The following SLC14A2 variants were observed in gnomAD, a reference collection of about 807,000 sequenced individuals.
SLC14A2 encodes urea transporter 2.
A neutral mutation model predicts 104.6 loss-of-function variants in SLC14A2; 91 were observed. That is an observed-to-expected ratio of 0.87 (90% confidence interval 0.73 to 1.04). The LOEUF is 1.04. Ranked by LOEUF, SLC14A2 falls within the 50% of genes least tolerant of loss-of-function variation. The pLI is 0.00. For synonymous variants in SLC14A2, 476 were observed against 466.4 expected (o/e 1.02, Z -0.27); for missense variants, 1,189 against 1,156.0 (o/e 1.03, Z -0.41).
intron 2 of SLC14A2, among the ~76,000 whole-genome samples, chr18:45,578,921 C>T (rs898798059): frequency 6.6e-6 from 1 of 152,210 alleles, no homozygotes; most frequent in Non-Finnish European, 1.5e-5. Context: ...TGTCTGTGGG[C>T]AGCTAGAAGG....
intron 2 of SLC14A2, among the ~76,000 whole-genome samples, chr18:45,563,160 G>C (rs952849027): frequency 1.3e-5 from 2 of 152,206 alleles, no homozygotes; most frequent in Non-Finnish European, 2.9e-5. Flanking sequence ...GCCCCTTGTA[G>C]AATGAGAGGC....
At chr18:45,526,701 T>C (rs2043597851) in intron 2 of SLC14A2, among the ~76,000 whole-genome samples, 1 of 152,082 alleles carries the variant, frequency 6.6e-6, no homozygotes, top group Non-Finnish European at 1.5e-5. Flanking sequence ...CTGACTTAGC[T>C]GGAACAGAAA....
chr18:45,446,102 G>A (rs995994901), intron 1 of SLC14A2, among the ~76,000 whole-genome samples: 11 of 152,308 alleles, frequency 7.2e-5, no homozygotes, highest in African/African-American at 2.6e-4. Context: ...TCACCATGGG[G>A]ATAATATGAG....
chr18:45,632,696 GAC>G (rs779635640), intron 5 of SLC14A2, among the ~76,000 whole-genome samples: 2 of 152,114 alleles, frequency 1.3e-5, no homozygotes, highest in Non-Finnish European at 2.9e-5. Context: ...TTGTTTGTTT[GAC>G]ACAGAGTCTT....
chr18:45,403,740 G>T (rs924460031), intron 1 of SLC14A2, among the ~76,000 whole-genome samples: 2 of 111,076 alleles, frequency 1.8e-5, no homozygotes, highest in Admixed American at 1.9e-4. Context: ...TTCTGGCACA[G>T]AGTAACAATT....
intron 1 of SLC14A2, among the ~76,000 whole-genome samples, chr18:45,344,439 T>C (rs2085427822): frequency 6.6e-6 from 1 of 152,180 alleles, no homozygotes; most frequent in Non-Finnish European, 1.5e-5. Flanking sequence ...ACCCTTAGTT[T>C]TGATAATTCC....
intron 1 of SLC14A2, among the ~76,000 whole-genome samples, chr18:45,367,990 C>T (rs2085683611): frequency 6.6e-6 from 1 of 152,102 alleles, no homozygotes; most frequent in Admixed American, 6.5e-5. Flanking sequence ...AAAACAGGAA[C>T]ATCTGGGTGG....
chr18:45,535,163 G>C (rs924017845), intron 2 of SLC14A2, among the ~76,000 whole-genome samples: 1 of 152,148 alleles, frequency 6.6e-6, no homozygotes, highest in South Asian at 2.1e-4. Context: ...TCTTTTTCTA[G>C]TCAGTCGCGT....
chr18:45,251,093 G>A (rs986673548), intron 1 of SLC14A2, among the ~76,000 whole-genome samples: 1 of 152,048 alleles, frequency 6.6e-6, no homozygotes, highest in Non-Finnish European at 1.5e-5. Flanking sequence ...AAGTTCTTTT[G>A]TGGTGATTTG....
chr18:45,179,002 G>A, the SLC14A2 span, among the ~76,000 whole-genome samples: 2 of 152,196 alleles, frequency 1.3e-5, no homozygotes, highest in African/African-American at 4.8e-5. Flanking sequence ...TGCTGGAAAT[G>A]TAACCTGGAG....
At chr18:45,409,199 C>G (rs1477386150) in intron 1 of SLC14A2, among the ~76,000 whole-genome samples, 3 of 152,198 alleles carry the variant, frequency 2.0e-5, no homozygotes, top group Non-Finnish European at 4.4e-5. Flanking sequence ...TCTCCAGGTT[C>G]TCATTCTTAA....
At chr18:45,230,145 G>A (rs887777435) in intron 1 of SLC14A2, among the ~76,000 whole-genome samples, 4 of 152,164 alleles carry the variant, frequency 2.6e-5, no homozygotes, top group Non-Finnish European at 4.4e-5. Flanking sequence ...ACTGCCAGGT[G>A]CCTTTCAATT....
rs552329440 is a variant in SLC14A2 at position 45,504,314 on chromosome 18, A to G, written c.-35+20992A>G. ...GGAGGAAAGCCCACAGTGTCCCCTT[A>G]AGGTACCAAGGATAGCATAATGAAT... On this transcript the variant is annotated intron_variant, in intron 2 of 20. Coordinates refer to the SLC14A2 transcript ENST00000586448. Among the ~76,000 whole-genome samples the G allele has an allele frequency of 4.6e-5, 7 of 152,320 alleles. No individual in the cohort carries two copies. The East Asian group carries it at 1.4e-3, about 29-fold the overall frequency.
chr18:45,570,109 G>C (rs1568280455), intron 2 of SLC14A2, among the ~76,000 whole-genome samples: 1 of 152,154 alleles, frequency 6.6e-6, no homozygotes, highest in Non-Finnish European at 1.5e-5. Flanking sequence ...GCACCAGCTG[G>C]AGAGGGAGCA....
chr18:45,560,846 C>T, intron 2 of SLC14A2, among the ~76,000 whole-genome samples: 1 of 152,180 alleles, frequency 6.6e-6, no homozygotes, highest in East Asian at 1.9e-4. Flanking sequence ...TTTACCCCAA[C>T]TCTAGAAATT....
At chr18:45,639,315 G>A (rs974818768) in intron 6 of SLC14A2, among the ~76,000 whole-genome samples, 3 of 152,182 alleles carry the variant, frequency 2.0e-5, no homozygotes, top group Admixed American at 2.0e-4. Flanking sequence ...ACAACAGGCT[G>A]GGTGACTTTT....
intron 1 of SLC14A2, among the ~76,000 whole-genome samples, chr18:45,463,382 G>A (rs1012309811): frequency 6.6e-6 from 1 of 152,222 alleles, no homozygotes; most frequent in African/African-American, 2.4e-5. Context: ...TGACAAAGAT[G>A]ATCCCTACTT....
intron 1 of SLC14A2, among the ~76,000 whole-genome samples, chr18:45,271,789 G>GA (rs536561225): frequency 6.6e-6 from 1 of 151,754 alleles, no homozygotes; most frequent in African/African-American, 2.4e-5. Flanking sequence ...CACAGAAATA[G>GA]AAAAAAAATC....
intron 2 of SLC14A2, among the ~76,000 whole-genome samples, chr18:45,593,068 A>T (rs2044671779): frequency 6.6e-6 from 1 of 152,198 alleles, no homozygotes; most frequent in South Asian, 2.1e-4. Context: ...CTGTAATCCC[A>T]GCACTTTGGG....
Sources: allele counts gnomAD v4.1 joint callset (sites outside exome capture counted in the v4.1 genomes callset), GRCh38; gene constraint gnomAD v4.1.1; transcripts MANE v1.5; gene names NCBI Gene and HGNC (gene_info 2026-07-23, HGNC 2026-07-21).